The following THSD7A variants were observed in gnomAD, a reference collection of about 807,000 sequenced individuals.
The protein encoded by THSD7A is thrombospondin type-1 domain-containing protein 7A.
A neutral mutation model predicts 231.3 loss-of-function variants in THSD7A; 96 were observed. That is an observed-to-expected ratio of 0.41 (90% confidence interval 0.35 to 0.49). The LOEUF is 0.49. THSD7A is among the 20% of genes least tolerant of loss of function. The probability of loss-of-function intolerance (pLI) is 0.05; values close to 1 mark genes in which losing one functional copy is unlikely to be tolerated. For synonymous variants in THSD7A, 940 were observed against 743.3 expected (o/e 1.26, Z -4.30); for missense variants, 2,290 against 2,070.2 (o/e 1.11, Z -2.06).
chr7:11,566,967 G>GGGGGGGGGGGA (rs1790363949), intron 4 of THSD7A, among the ~76,000 whole-genome samples: 1 of 105,692 alleles, frequency 9.5e-6, no homozygotes, highest in Admixed American at 8.9e-5. Flanking sequence ...TGGGAGAGTG[G>GGGGGGGGGGGA]GGGGGGGACT....
intron 1 of THSD7A, among the ~76,000 whole-genome samples, chr7:11,734,047 C>T (rs1478641756): frequency 6.6e-6 from 1 of 151,838 alleles, no homozygotes; most frequent in Admixed American, 6.6e-5. Context: ...TAGGATCTCT[C>T]CCTTGGAGAC....
At position 11,636,496 on chromosome 7, in the gene THSD7A, C is replaced by T. The variant is rs749795557; in HGVS notation, c.656G>A (p.Arg219His). 3.6e-5 allele frequency: 58 copies of T among 1,613,668 alleles called. 1 individual carries two copies. The South Asian group carries it at 6.1e-4, about 17-fold the overall frequency. Reference protein sequence around the residue: ...TCGSGLQHRTRHVVAPPQFGG... With the variant: ...TCGSGLQHRTHHVVAPPQFGG... ...GAACTGCGGGGGCGCCACCACATGA[C>T]GCGTCCGGTGCTGGAGCCCGCTGCC... The change falls in exon 2 of 28, where the codon CGT (arginine) becomes CAT (histidine). Residue 219 changes from arginine (R) to histidine (H), a missense_variant. Physicochemically the swap from Arg to His is conservative, Grantham distance 29. Transcript: ENST00000423059. The surrounding 1 kb of genome is among the most constrained non-coding windows in gnomAD (Gnocchi z 10.0).
chr7:11,666,632 T>A (rs1232017237), intron 1 of THSD7A, among the ~76,000 whole-genome samples: 1 of 151,842 alleles, frequency 6.6e-6, no homozygotes, highest in African/African-American at 2.4e-5. Context: ...TATAATTATC[T>A]TGATTGTATA....
chr7:11,461,232 A>G (rs979577477), intron 10 of THSD7A, among the ~76,000 whole-genome samples: 1 of 152,206 alleles, frequency 6.6e-6, no homozygotes, highest in African/African-American at 2.4e-5. Flanking sequence ...CCAAAAATAA[A>G]TAAGTTTGAA....
At chr7:11,788,200 A>G (rs1408946867) in intron 1 of THSD7A, among the ~76,000 whole-genome samples, 3 of 152,108 alleles carry the variant, frequency 2.0e-5, no homozygotes, top group Non-Finnish European at 4.4e-5. Context: ...TCTTGCCTGT[A>G]TCACAGCAGT....
At chr7:11,548,338 A>G (rs1465577969) in intron 4 of THSD7A, among the ~76,000 whole-genome samples, 1 of 151,786 alleles carries the variant, frequency 6.6e-6, no homozygotes, top group African/African-American at 2.4e-5. Context: ...CAGACACATA[A>G]CAAGTTCTAA....
chr7:11,557,148 T>C (rs1451413444), intron 4 of THSD7A, among the ~76,000 whole-genome samples: 3 of 152,090 alleles, frequency 2.0e-5, no homozygotes, highest in African/African-American at 7.2e-5. Context: ...GAAATACTTT[T>C]AGTTTTCTTC....
intron 1 of THSD7A, among the ~76,000 whole-genome samples, chr7:11,772,249 T>A (rs944214530): frequency 6.6e-6 from 1 of 151,944 alleles, no homozygotes; most frequent in African/African-American, 2.4e-5. Context: ...AATGGGGATC[T>A]GGAGGAAAGG....
chr7:11,541,643 G>A lies in THSD7A; in HGVS notation c.1610-12C>T. ...CCTCAGTTTGAAGCCTGAATTATGG[G>A]GGAAGGAAAAATCTATTGTTACTAT... On this transcript the variant is annotated splice_polypyrimidine_tract_variant and intron_variant, in intron 5 of 27. Coordinates refer to ENST00000423059, the MANE Select transcript of THSD7A (RefSeq NM_015204.3). 1 of 1,610,628 alleles carries A rather than the reference G, an allele frequency of 6.2e-7. No homozygotes were observed. The highest frequency in any genetic ancestry group is 8.5e-7 in the Non-Finnish European group (1 of 1,177,608).
At chr7:11,551,064 T>C (rs1047301745) in intron 4 of THSD7A, among the ~76,000 whole-genome samples, 1 of 152,060 alleles carries the variant, frequency 6.6e-6, no homozygotes, top group Admixed American at 6.6e-5. Flanking sequence ...CCATCTGATC[T>C]TCAAAAAGGT....
chr7:11,676,278 C>A (rs1378049679), intron 1 of THSD7A, among the ~76,000 whole-genome samples: 3 of 151,990 alleles, frequency 2.0e-5, no homozygotes, highest in Non-Finnish European at 4.4e-5. Context: ...ACAGCAGAAA[C>A]CAAAGGTAGA....
At chr7:11,447,097 T>G in intron 12 of THSD7A, 133 bp downstream of exon 12, 1 of 882,664 alleles carries the variant, frequency 1.1e-6, no homozygotes, top group Non-Finnish European at 1.7e-6. Context: ...CACTGCCAGC[T>G]AAATTTAAAA....
intron 4 of THSD7A, among the ~76,000 whole-genome samples, chr7:11,568,511 G>A (rs929339529): frequency 6.7e-6 from 1 of 150,246 alleles, no homozygotes; most frequent in African/African-American, 2.4e-5. Flanking sequence ...TGTAGTCCCA[G>A]CTATTTGGGA....
At chr7:11,502,211 A>G (rs1007831216) in intron 6 of THSD7A, among the ~76,000 whole-genome samples, 1 of 152,234 alleles carries the variant, frequency 6.6e-6, no homozygotes, top group African/African-American at 2.4e-5. Flanking sequence ...TACCAGATGT[A>G]TAAAGAGCTG....
chr7:11,783,795 A>G (rs997790258), intron 1 of THSD7A, among the ~76,000 whole-genome samples: 8 of 152,164 alleles, frequency 5.3e-5, no homozygotes, highest in African/African-American at 1.4e-4. Flanking sequence ...GTCTAGAAAT[A>G]GGAAGGAAAT....
intron 6 of THSD7A, among the ~76,000 whole-genome samples, chr7:11,503,319 G>T (rs1176620327): frequency 1.3e-5 from 2 of 152,136 alleles, no homozygotes; most frequent in East Asian, 3.9e-4. Flanking sequence ...ACTCAACATG[G>T]ATAAAGACTT....
chr7:11,565,447 C>T (rs536917213), intron 4 of THSD7A, among the ~76,000 whole-genome samples: 22 of 152,172 alleles, frequency 1.4e-4, no homozygotes, highest in East Asian at 7.7e-4. Flanking sequence ...TGTTGTCATG[C>T]GAAGAATTGA....
At chr7:11,451,156 A>G (rs1244587363) in intron 11 of THSD7A, among the ~76,000 whole-genome samples, 4 of 152,040 alleles carry the variant, frequency 2.6e-5, no homozygotes, top group Non-Finnish European at 5.9e-5. Flanking sequence ...TTTCTTCAAC[A>G]AATACATGCT....
At chr7:11,509,423 A>C (rs1211911129) in intron 6 of THSD7A, among the ~76,000 whole-genome samples, 1 of 152,216 alleles carries the variant, frequency 6.6e-6, no homozygotes, top group Non-Finnish European at 1.5e-5. Context: ...CTGATTTCAA[A>C]GGTTAGAAAT....
Sources: allele counts gnomAD v4.1 joint callset (sites outside exome capture counted in the v4.1 genomes callset), GRCh38; gene constraint gnomAD v4.1.1; non-coding constraint Gnocchi (gnomAD v3.1); transcripts MANE v1.5; gene names NCBI Gene and HGNC (gene_info 2026-07-23, HGNC 2026-07-21).